Variants in RANBP2 observed in about 807,000 individuals in gnomAD.
RANBP2 encodes the protein RAN binding protein 2.
A neutral mutation model predicts 303.6 loss-of-function variants in RANBP2; 57 were observed. The ratio of observed to expected loss-of-function variants is 0.19; its 90% CI spans 0.15 to 0.23. The LOEUF (loss-of-function observed/expected upper bound fraction) is 0.23. RANBP2 is among the 10% of genes least tolerant of loss of function. The pLI, the probability that RANBP2 is intolerant of heterozygous loss-of-function variation, is 1.00. For synonymous variants in RANBP2, 1,167 were observed against 1,301.5 expected (o/e 0.90, Z 2.23); for missense variants, 3,138 against 3,780.8 (o/e 0.83, Z 4.46).
the RANBP2 span, among the ~76,000 whole-genome samples, chr2:109,016,746 G>A: frequency 6.6e-6 from 1 of 152,372 alleles, no homozygotes; most frequent in East Asian, 1.9e-4. Flanking sequence ...GCCCAGGCAG[G>A]CACATGCATG....
the RANBP2 span, among the ~76,000 whole-genome samples, chr2:109,401,650 C>T: frequency 6.6e-6 from 1 of 152,196 alleles, no homozygotes; most frequent in Non-Finnish European, 1.5e-5. Flanking sequence ...CCAAGAGGGC[C>T]AGGGGCATCT....
chr2:108,767,706 C>T lies in RANBP2; in HGVS notation c.7167C>T (p.Asp2389=), dbSNP rs767010649. Residue 2389 remains aspartate (D), a synonymous_variant, in exon 20 of 29, where the codon GAC becomes GAT. Coordinates refer to ENST00000283195, the MANE Select transcript of RANBP2 (RefSeq NM_006267.5). ...GTGCCAATCACAGAATAACTCCAGACATGACTTTGCAAAATATGAAAGGGA... is the reference window on the plus strand; with the variant it reads ...GTGCCAATCACAGAATAACTCCAGATATGACTTTGCAAAATATGAAAGGGA... ...KLCANHRITP[D]MTLQNMKGTE... The T allele has an allele frequency of 1.9e-6, 3 of 1,611,844 alleles. No homozygotes were observed. In the East Asian group the frequency reaches 6.7e-5, roughly 36 times the overall value.
the RANBP2 span, among the ~76,000 whole-genome samples, chr2:108,826,033 G>C: frequency 6.6e-6 from 1 of 152,136 alleles, no homozygotes; most frequent in Admixed American, 6.5e-5. Context: ...TCATGTGCTT[G>C]TTGGCCGTTT....
At chr2:109,088,448 A>G in the RANBP2 span, among the ~76,000 whole-genome samples, 1 of 150,108 alleles carries the variant, frequency 6.7e-6, no homozygotes, top group Non-Finnish European at 1.5e-5. Flanking sequence ...CATGGTATAG[A>G]GGTAGTTAAA....
the RANBP2 span, among the ~76,000 whole-genome samples, chr2:109,227,365 C>T: frequency 6.6e-6 from 1 of 152,192 alleles, no homozygotes; most frequent in Non-Finnish European, 1.5e-5. Context: ...TCCTGGTTCT[C>T]AGGTCCTTAG....
At chr2:108,880,009 T>C in the RANBP2 span, among the ~76,000 whole-genome samples, 2 of 152,124 alleles carry the variant, frequency 1.3e-5, no homozygotes, top group East Asian at 1.9e-4. Context: ...AAGCATGTGG[T>C]TGAGCTGGTG....
At chr2:109,048,880 A>T in the RANBP2 span, among the ~76,000 whole-genome samples, 1 of 152,168 alleles carries the variant, frequency 6.6e-6, no homozygotes, top group African/African-American at 2.4e-5. Flanking sequence ...GAGTTAATGA[A>T]CCTGAAAAAT....
the RANBP2 span, among the ~76,000 whole-genome samples, chr2:108,843,879 T>TGTGTGTGTGTGTGTGTGTG: frequency 7.9e-6 from 1 of 126,206 alleles, no homozygotes; most frequent in African/African-American, 2.7e-5. Context: ...TGTGTGTGTG[T>TGTGTGTGTGTGTGTGTGTG]TTCTTTCTTT....
chr2:109,533,091 G>C, the RANBP2 span, among the ~76,000 whole-genome samples: 1 of 152,148 alleles, frequency 6.6e-6, no homozygotes, highest in African/African-American at 2.4e-5. Flanking sequence ...CCTCAGGACA[G>C]AGAGCTGACC....
chr2:109,283,380 C>T, the RANBP2 span, among the ~76,000 whole-genome samples: 1 of 152,130 alleles, frequency 6.6e-6, no homozygotes, highest in Non-Finnish European at 1.5e-5. Context: ...CACCTCACTG[C>T]GTTGAAATTG....
the RANBP2 span, among the ~76,000 whole-genome samples, chr2:108,892,470 T>G: frequency 6.6e-6 from 1 of 151,916 alleles, no homozygotes; most frequent in Non-Finnish European, 1.5e-5. Flanking sequence ...ACAATCTGGG[T>G]TTCTGTAACA....
the RANBP2 span, among the ~76,000 whole-genome samples, chr2:109,606,672 C>CTTTT: frequency 0.019 from 1,347 of 71,912 alleles, 144 homozygotes; most frequent in African/African-American, 0.056. Context: ...AAATTTTAAG[C>CTTTT]TTTTTTTTTT....
chr2:108,782,749 T>G lies in RANBP2; in HGVS notation c.9256T>G (p.Ser3086Ala), dbSNP rs1678343494. The stretch of plus-strand genomic sequence containing the variant: ...AGGGCGGATAACTATGGAATTATTT[T>G]CAAACATTGTTCCTCGGACTGCTGA... ...PLGRITMELFSNIVPRTAENF... is the reference protein window; with the variant it reads ...PLGRITMELFANIVPRTAENF... The change falls in exon 28 of 29, where the codon TCA becomes GCA. Residue 3086 changes from serine to alanine, a missense_variant. Physicochemically the swap from Ser to Ala is moderately conservative, Grantham distance 99 (BLOSUM62 1). Transcript: ENST00000283195. 6.2e-7 allele frequency: 1 copy of G among 1,614,116 alleles called. No individual in the cohort carries two copies. The highest frequency in any genetic ancestry group is 1.7e-5 in the Admixed American group (1 of 60,010).
At chr2:109,154,082 T>C in the RANBP2 span, among the ~76,000 whole-genome samples, 1 of 152,198 alleles carries the variant, frequency 6.6e-6, no homozygotes, top group African/African-American at 2.4e-5. Flanking sequence ...ATGAACACTG[T>C]CAATATGCTG....
At chr2:108,815,472 T>TG in the RANBP2 span, among the ~76,000 whole-genome samples, 14 of 138,696 alleles carry the variant, frequency 1.0e-4, no homozygotes, top group East Asian at 2.1e-3. Context: ...TTTTTTTTTT[T>TG]TTTTTTTTTT....
At chr2:109,613,095 G>T in the RANBP2 span, 2 of 966,264 alleles carry the variant, frequency 2.1e-6, no homozygotes, top group Non-Finnish European at 2.9e-6. Flanking sequence ...CCAAACGGCG[G>T]TGAGATCACT....
At chr2:109,157,363 T>C in the RANBP2 span, among the ~76,000 whole-genome samples, 1 of 152,228 alleles carries the variant, frequency 6.6e-6, no homozygotes, top group African/African-American at 2.4e-5. Flanking sequence ...TGCATTCGCT[T>C]TATAGACTCC....
At chr2:109,371,576 G>A in the RANBP2 span, 1 of 1,613,406 alleles carries the variant, frequency 6.2e-7, no homozygotes, top group Non-Finnish European at 8.5e-7. Flanking sequence ...CGGTGGACCC[G>A]GAACTGCAGG....
the RANBP2 span, among the ~76,000 whole-genome samples, chr2:108,972,770 C>A: frequency 6.6e-6 from 1 of 152,316 alleles, no homozygotes. Context: ...TGCTGAGACT[C>A]AGAAGGGGGT....
Sources: gnomAD v4.1 joint callset for allele counts (sites outside exome capture counted in the v4.1 genomes callset) on GRCh38, gnomAD v4.1.1 for gene constraint, MANE v1.5 for transcripts, NCBI Gene and HGNC (gene_info 2026-07-23, HGNC 2026-07-21) for gene names.